TTC6: variants seen among roughly 807,000 people sequenced by gnomAD.
TTC6 encodes the protein tetratricopeptide repeat domain 6.
Under a neutral mutation model 210.4 loss-of-function variants are expected in TTC6, and 172 were observed. The observed-to-expected ratio is 0.82, with a 90% CI of 0.72 to 0.93. The LOEUF (loss-of-function observed/expected upper bound fraction) is 0.93. Among genes scored for constraint, TTC6 ranks in the 40% least tolerant of loss-of-function variants. TTC6 has a pLI of 0.00. For missense variants in TTC6, 2,414 were observed against 2,318.1 expected (o/e 1.04, Z -0.85); for synonymous variants, 804 against 819.6 (o/e 0.98, Z 0.32).
intron 3 of TTC6, among the ~76,000 whole-genome samples, chr14:37,685,083 A>G (rs1268621306): frequency 6.6e-6 from 1 of 152,224 alleles, no homozygotes; most frequent in Admixed American, 6.6e-5. Flanking sequence ...AAAGAAAGTT[A>G]GATAGAAATA....
At chr14:37,617,493 A>G (rs2139278531), upstream of TTC6, among the ~76,000 whole-genome samples, 1 of 152,294 alleles carries the variant, frequency 6.6e-6, no homozygotes, top group African/African-American at 2.4e-5. Context: ...GAGCACATGT[A>G]AGTGGTTTTT....
intron 25 of TTC6, among the ~76,000 whole-genome samples, chr14:37,815,369 G>A (rs542746440): frequency 4.6e-5 from 7 of 152,198 alleles, no homozygotes; most frequent in East Asian, 3.9e-4. Flanking sequence ...TGATGGTTTC[G>A]GAATGAAACT....
In TTC6 at chr14:37,651,417, ATATATATATTTTTTTTTTTTTT is replaced by A. The variant is rs1352162482; in HGVS notation, c.939+28416_939+28437del. Reference sequence around the variant, plus strand: ...TATATATATATATATATATATATATATATATATATTTTTTTTTTTTTTTTTTTTTTTTTTTTCCATCCATGAT... The same window carrying A: ...TATATATATATATATATATATATATATTTTTTTTTTTTTTCCATCCATGAT... On this transcript the variant is annotated intron_variant, in intron 1 of 30. Coordinates refer to ENST00000553443, the Ensembl canonical transcript of TTC6. 6.2e-3 allele frequency among the ~76,000 whole-genome samples: 126 copies of A among 20,254 alleles called. 2 individuals are homozygous for A. Among genetic ancestry groups the A allele is most frequent in the African/African-American group, 0.03 (118 of 3,888 alleles). The allele number at this position is 20,254 out of a possible 152,430, so 13.3% of individuals were successfully genotyped here.
exon 31 of TTC6, chr14:37,842,223 C>T: frequency 6.2e-7 from 1 of 1,609,654 alleles, no homozygotes; most frequent in Non-Finnish European, 8.5e-7. Context: ...TAAAATAGGT[C>T]TGATTGAGGA....
At chr14:37,841,419 T>C in intron 29 of TTC6, 26 bp from the exon 32 acceptor site, 1 of 1,560,336 alleles carries the variant, frequency 6.4e-7, no homozygotes, top group South Asian at 1.2e-5. Flanking sequence ...CCAATTAAAA[T>C]ATATCATTAT....
chr14:37,644,443 A>G (rs761150899), intron 1 of TTC6, among the ~76,000 whole-genome samples: 8 of 152,146 alleles, frequency 5.3e-5, no homozygotes, highest in Admixed American at 2.0e-4. Flanking sequence ...CAAGAAATGC[A>G]TGTGTCTGAG....
In TTC6 at chr14:37,795,288, G is replaced by C. The variant is rs1032499937; in HGVS notation, c.3727G>C (p.Ala1243Pro). ...TCAACAGTTGCATAAATTGAAAAAG[G>C]CAGTAAATGAATTGTCTCGTGCTAT... The change falls in exon 18 of 31, where the codon GCA (alanine) becomes CCA (proline). Residue 1243 changes from alanine to proline, a missense_variant. By Grantham distance (27) the Ala-to-Pro change is conservative (BLOSUM62 -1). Coordinates refer to ENST00000553443, the Ensembl canonical transcript of TTC6. The C allele has an allele frequency of 7.8e-6, 12 of 1,531,784 alleles. No homozygotes were observed. In the African/African-American group the frequency reaches 1.5e-4, roughly 19 times the overall value. The allele number at this position is 1,531,784 out of a possible 1,614,324, so 94.9% of individuals were successfully genotyped here. A position where few individuals can be genotyped will look rare whatever the true frequency, so the allele number is the denominator to read the frequency against.
At chr14:37,729,979 G>A (rs1213665377) in intron 7 of TTC6, among the ~76,000 whole-genome samples, 1 of 152,142 alleles carries the variant, frequency 6.6e-6, no homozygotes, top group Non-Finnish European at 1.5e-5. Flanking sequence ...CATTAGAAAA[G>A]TAGTCCGAAA....
chr14:37,833,082 C>G (rs1319545904), intron 29 of TTC6, among the ~76,000 whole-genome samples: 1 of 147,600 alleles, frequency 6.8e-6, no homozygotes, highest in Non-Finnish European at 1.5e-5. Context: ...AATGAGTATT[C>G]TGCAGCTGTT....
intron 1 of TTC6, among the ~76,000 whole-genome samples, chr14:37,605,973 C>T (rs1368942761): frequency 6.6e-6 from 1 of 151,960 alleles, no homozygotes; most frequent in African/African-American, 2.4e-5. Context: ...GCCCCAATGC[C>T]AGACTTCCAA....
chr14:37,771,094 T>A (rs1681988444), intron 14 of TTC6, among the ~76,000 whole-genome samples: 1 of 150,670 alleles, frequency 6.6e-6, no homozygotes, highest in African/African-American at 2.4e-5. Context: ...AAATTCTGGG[T>A]TGAAAATTCT....
chr14:37,747,092 A>C (rs1184829820), intron 10 of TTC6, among the ~76,000 whole-genome samples: 1 of 152,296 alleles, frequency 6.6e-6, no homozygotes, highest in South Asian at 2.1e-4. Flanking sequence ...TGTCCTAATG[A>C]CTTAAAGCTC....
At chr14:37,773,181 C>T (rs988084118) in intron 14 of TTC6, among the ~76,000 whole-genome samples, 1 of 152,084 alleles carries the variant, frequency 6.6e-6, no homozygotes, top group African/African-American at 2.4e-5. Flanking sequence ...TTGTCAGATA[C>T]ACAGTTTGCA....
At chr14:37,694,600 G>T (rs532629022) in intron 3 of TTC6, among the ~76,000 whole-genome samples, 56 of 152,170 alleles carry the variant, frequency 3.7e-4, no homozygotes, top group Non-Finnish European at 7.3e-4. Context: ...AAGGAAATCA[G>T]TATGTCAAAG....
In TTC6 at chr14:37,755,400, A is replaced by G. The variant is rs1035841906; in HGVS notation, c.3266+2165A>G. ...TAGTTTAATTAGATCCCATTTATCT[A>G]TTTTGGCTTTTGTTGCCATTGCTTT... On this transcript the variant is annotated intron_variant, in intron 14 of 30. Coordinates refer to ENST00000553443, the Ensembl canonical transcript of TTC6. Among the ~76,000 whole-genome samples the G allele has an allele frequency of 3.3e-5, 5 of 152,214 alleles. No individual in the cohort carries two copies. The South Asian group carries it at 8.3e-4, about 25-fold the overall frequency.
chr14:37,618,195 G>C (rs894256373), upstream of TTC6, among the ~76,000 whole-genome samples: 2 of 152,176 alleles, frequency 1.3e-5, no homozygotes, highest in Non-Finnish European at 2.9e-5. Flanking sequence ...AACCTGCAAT[G>C]GTCTAGAGAA....
At chr14:37,781,665 C>T (rs1211214451) in intron 14 of TTC6, among the ~76,000 whole-genome samples, 2 of 152,090 alleles carry the variant, frequency 1.3e-5, no homozygotes, top group African/African-American at 2.4e-5. Context: ...CTTTTGTTGC[C>T]GTTACTTTTG....
At chr14:37,665,869 G>A (rs941377446) in intron 1 of TTC6, among the ~76,000 whole-genome samples, 2 of 150,398 alleles carry the variant, frequency 1.3e-5, no homozygotes, top group African/African-American at 4.8e-5. Flanking sequence ...ACCAGGAACT[G>A]AGAGTGACCT....
intron 1 of TTC6, among the ~76,000 whole-genome samples, chr14:37,650,272 G>A (rs537657399): frequency 6.6e-6 from 1 of 152,316 alleles, no homozygotes; most frequent in East Asian, 1.9e-4. Context: ...ATCTCACTGG[G>A]TGAGTGAAGC....
Sources: gnomAD v4.1 joint callset for allele counts (sites outside exome capture counted in the v4.1 genomes callset) on GRCh38, gnomAD v4.1.1 for gene constraint, MANE v1.5 for transcripts, NCBI Gene and HGNC (gene_info 2026-07-23, HGNC 2026-07-21) for gene names.